The following CA10 variants were observed in gnomAD, a reference collection of about 807,000 sequenced individuals.
CA10 encodes the protein carbonic anhydrase 10 (inactive), also known as carbonic anhydrase-related protein 10.
In CA10, 14 loss-of-function variants were observed where a neutral mutation model predicts 44.2. The ratio of observed to expected loss-of-function variants is 0.32; its 90% CI spans 0.21 to 0.50. The LOEUF is 0.50. Among genes scored for constraint, CA10 ranks in the 20% least tolerant of loss-of-function variants. The pLI is 0.99. For synonymous variants in CA10, 159 were observed against 141.6 expected (o/e 1.12, Z -0.87); for missense variants, 350 against 409.7 (o/e 0.85, Z 1.26).
At chr17:52,145,416 A>G (rs1989562690) in intron 1 of CA10, among the ~76,000 whole-genome samples, 1 of 152,204 alleles carries the variant, frequency 6.6e-6, no homozygotes, top group South Asian at 2.1e-4. Flanking sequence ...CTGGCCCCAG[A>G]ATAGTAAAAT....
intron 1 of CA10, among the ~76,000 whole-genome samples, chr17:52,151,503 A>G (rs1989702313): frequency 6.6e-6 from 1 of 152,090 alleles, no homozygotes; most frequent in Non-Finnish European, 1.5e-5. Context: ...CTTTATACAC[A>G]TTTCTATTTT....
At chr17:52,041,971 T>C (rs990320284) in intron 2 of CA10, among the ~76,000 whole-genome samples, 1 of 152,022 alleles carries the variant, frequency 6.6e-6, no homozygotes, top group Non-Finnish European at 1.5e-5. Flanking sequence ...TGTGAGAAAA[T>C]CACATGTTCT....
intron 3 of CA10, among the ~76,000 whole-genome samples, chr17:51,891,227 G>T (rs1980842938): frequency 1.3e-5 from 2 of 152,098 alleles, no homozygotes; most frequent in Admixed American, 6.6e-5. Context: ...TGTGTGATTG[G>T]GAGGGGTTGT....
At chr17:52,131,390 A>G (rs565716472) in intron 1 of CA10, among the ~76,000 whole-genome samples, 12 of 152,256 alleles carry the variant, frequency 7.9e-5, no homozygotes, top group Non-Finnish European at 1.6e-4. Flanking sequence ...CTAATGAGGG[A>G]AAATGATTTA....
Position 52,102,471 on chromosome 17 carries a change from A to C in CA10, c.62-30078T>G, listed in dbSNP as rs546815547. On this transcript the variant is annotated intron_variant, in intron 1 of 8. Coordinates refer to ENST00000451037, the MANE Select transcript of CA10 (RefSeq NM_020178.5). ...TTGTTTGAATCGCAACCACAAGTGGAACTTAACTTGAGCTATTTCTTATAA... is the reference window on the plus strand; with the variant it reads ...TTGTTTGAATCGCAACCACAAGTGGCACTTAACTTGAGCTATTTCTTATAA... 3.9e-5 allele frequency among the ~76,000 whole-genome samples: 6 copies of C among 152,320 alleles called. No individual in the cohort carries two copies. In the South Asian group the frequency reaches 1.2e-3, roughly 32 times the overall value.
rs565974749 is a variant in CA10 at position 52,125,816 on chromosome 17, G to A, written c.61+31910C>T. Among the ~76,000 whole-genome samples the A allele has an allele frequency of 8.9e-4, 136 of 152,048 alleles. No homozygotes were observed. The Middle Eastern group carries it at 0.01, about 11-fold the overall frequency. ...TTCACAGAGTGCTTCCATTGTTTGG[G>A]GGTGACTGATGTTTGGGGGTGACTG... On this transcript the variant is annotated intron_variant, in intron 1 of 8. Coordinates refer to ENST00000451037, the MANE Select transcript of CA10 (RefSeq NM_020178.5).
chr17:51,843,005 C>T (rs1978350150), intron 3 of CA10, among the ~76,000 whole-genome samples: 1 of 152,162 alleles, frequency 6.6e-6, no homozygotes. Context: ...ATCTCCATTG[C>T]TAAAAATTCA....
chr17:52,158,829 G>A (rs1479186863), upstream of CA10: 1 of 152,834 alleles, frequency 6.5e-6, no homozygotes, highest in Admixed American at 6.5e-5. Context: ...GGCCAGGTGA[G>A]CGTCCTCGCC....
chr17:51,984,489 A>G (rs1303114447), intron 2 of CA10, among the ~76,000 whole-genome samples: 1 of 151,800 alleles, frequency 6.6e-6, no homozygotes, highest in African/African-American at 2.4e-5. Flanking sequence ...CCCAACAGAA[A>G]AAAGGAATAA....
intron 3 of CA10, among the ~76,000 whole-genome samples, chr17:51,852,043 T>G (rs1475234997): frequency 6.6e-6 from 1 of 152,232 alleles, no homozygotes; most frequent in Non-Finnish European, 1.5e-5. Flanking sequence ...TCTGCTGCTC[T>G]TCTCCTTTGG....
intron 3 of CA10, among the ~76,000 whole-genome samples, chr17:51,919,077 C>T (rs1309836262): frequency 6.6e-6 from 1 of 152,056 alleles, no homozygotes; most frequent in African/African-American, 2.4e-5. Flanking sequence ...TTTCAGAAAC[C>T]AAGCTTAGAA....
chr17:51,666,880 T>C (rs893203135), intron 4 of CA10, among the ~76,000 whole-genome samples: 2 of 152,198 alleles, frequency 1.3e-5, no homozygotes, highest in African/African-American at 4.8e-5. Flanking sequence ...AAAAGATGAC[T>C]AATGAGCACA....
intron 2 of CA10, among the ~76,000 whole-genome samples, chr17:51,985,893 G>A (rs1167278669): frequency 1.3e-5 from 2 of 151,866 alleles, no homozygotes; most frequent in Non-Finnish European, 2.9e-5. Flanking sequence ...ATACTCACGG[G>A]TGGGTAGAAT....
chr17:51,653,667 A>G lies in CA10; in HGVS notation c.535T>C (p.Leu179=), dbSNP rs780407663. Residue 179 remains leucine (L), a synonymous_variant, in exon 5 of 9, where the codon TTG becomes CTG. Coordinates refer to ENST00000451037, the MANE Select transcript of CA10 (RefSeq NM_020178.5). ...VTEAAKSPNG[L]VVVSIFIKVS... Reference sequence around the variant, plus strand: ...TTTATAAATATAGAAACTACCACCAATCCATTTGGACTCTTTGCAGCTTCT... The same window carrying G: ...TTTATAAATATAGAAACTACCACCAGTCCATTTGGACTCTTTGCAGCTTCT... 1 of 1,600,872 alleles carries G rather than the reference A, an allele frequency of 6.2e-7. No homozygotes were observed. The highest frequency in any genetic ancestry group is 1.7e-5 in the Admixed American group (1 of 59,984).
At chr17:52,056,939 A>C (rs1987245586) in intron 2 of CA10, among the ~76,000 whole-genome samples, 1 of 152,084 alleles carries the variant, frequency 6.6e-6, no homozygotes, top group African/African-American at 2.4e-5. Flanking sequence ...ATTTTATATG[A>C]ACTGCTGAAA....
At chr17:51,684,880 T>A (rs1488153776) in intron 4 of CA10, among the ~76,000 whole-genome samples, 3 of 152,126 alleles carry the variant, frequency 2.0e-5, no homozygotes, top group Non-Finnish European at 4.4e-5. Context: ...TCAAATGCCA[T>A]TAAAAGAAGC....
intron 3 of CA10, among the ~76,000 whole-genome samples, chr17:51,757,864 T>A (rs1048850519): frequency 2.0e-5 from 3 of 152,120 alleles, no homozygotes; most frequent in African/African-American, 7.2e-5. Flanking sequence ...TAGGCCTTTT[T>A]TTTTTCTTTT....
At position 51,630,628 on chromosome 17, in the gene CA10, C is replaced by CTGAT. The variant is rs1354522628; in HGVS notation, c.*952_*955dup. The stretch of plus-strand genomic sequence containing the variant: ...TCATACTTGCTTAGCAAATGCATTC[C>CTGAT]TGATTGCCACAAACTCAGTAAAAAC... On this transcript the variant is annotated 3_prime_UTR_variant, in exon 9 of 9. Coordinates refer to ENST00000451037, the MANE Select transcript of CA10 (RefSeq NM_020178.5). 14 of 152,712 alleles carry CTGAT rather than the reference C, an allele frequency of 9.2e-5. No homozygotes were observed. Among genetic ancestry groups the CTGAT allele is most frequent in the South Asian group, 2.1e-4 (1 of 4,822 alleles). 9.5% of individuals were successfully genotyped at this position (152,712 alleles called of 1,614,324 possible). A position where few individuals can be genotyped will look rare whatever the true frequency, so the allele number is the denominator to read the frequency against.
At chr17:52,159,937 T>C (rs993935958), upstream of CA10, 1 of 152,124 alleles carries the variant, frequency 6.6e-6, no homozygotes, top group South Asian at 2.1e-4. Context: ...TTTGGGGTTA[T>C]TGAAGAAGAG....
Sources: allele counts gnomAD v4.1 joint callset (sites outside exome capture counted in the v4.1 genomes callset), GRCh38; gene constraint gnomAD v4.1.1; transcripts MANE v1.5; gene names NCBI Gene and HGNC (gene_info 2026-07-23, HGNC 2026-07-21).